MLPH: variants seen among roughly 807,000 people sequenced by gnomAD.
MLPH encodes exophilin-3.
In MLPH, 51 loss-of-function variants were observed where a neutral mutation model predicts 72.1. The ratio of observed to expected loss-of-function variants is 0.71; its 90% CI spans 0.56 to 0.89. The LOEUF (loss-of-function observed/expected upper bound fraction) is 0.89. Ranked by LOEUF, MLPH falls within the 40% of genes least tolerant of loss-of-function variation. MLPH has a pLI of 0.00. For synonymous variants in MLPH, 301 were observed against 310.1 expected (o/e 0.97, Z 0.31); for missense variants, 743 against 759.9 (o/e 0.98, Z 0.26).
intron 2 of MLPH, among the ~76,000 whole-genome samples, chr2:237,501,802 C>T (rs1050234224): frequency 6.6e-6 from 1 of 151,318 alleles, no homozygotes; most frequent in African/African-American, 2.4e-5. Context: ...GAGCTGAGAT[C>T]GCGCCACTGC....
rs145871473 is a variant in MLPH, at chr2:237,519,988, C to G, written c.634C>G (p.Leu212Val). ...DDSTQPQGHS[L>V]HLSSVPEARD... ...CTCCACTCAGCCTCAAGGTCACTCC[C>G]TGCACCTGTCCTCAGTCCCTGAGGC... Residue 212 changes from leucine (L) to valine (V), a missense_variant, in exon 6 of 16, where the codon CTG becomes GTG. Leu to Val is a conservative substitution (Grantham distance 32). Coordinates refer to ENST00000264605, the MANE Select transcript of MLPH (RefSeq NM_024101.7). 7.3e-5 allele frequency: 118 copies of G among 1,614,086 alleles called. No individual in the cohort carries two copies. In the African/African-American group the frequency reaches 1.3e-3, roughly 18 times the overall value.
rs758027758 is a variant in MLPH, at chr2:237,540,804, G to A, written c.1293G>A (p.Val431=). The change falls in exon 11 of 16, where the codon GTG becomes GTA. Residue 431 remains valine, a splice_region_variant and synonymous_variant. Transcript: ENST00000264605. ...VGPLPQADPE[V]GTAAHQTNRQ... ...GCCTCCGTCCTTCTCTTTCCTAGGT[G>A]GGCACGGCTGCCCATCAAACCAACA... 1.2e-6 allele frequency: 2 copies of A among 1,612,968 alleles called. No homozygotes were observed. Among genetic ancestry groups the A allele is most frequent in the East Asian group, 2.2e-5 (1 of 44,868 alleles).
At chr2:237,493,984 T>G (rs1004408495) in intron 2 of MLPH, among the ~76,000 whole-genome samples, 10 of 152,178 alleles carry the variant, frequency 6.6e-5, no homozygotes, top group Admixed American at 5.9e-4. Flanking sequence ...CAGCACGGTT[T>G]TGTTCCACTC....
At chr2:237,504,701 G>C (rs2079727589) in intron 2 of MLPH, among the ~76,000 whole-genome samples, 1 of 152,196 alleles carries the variant, frequency 6.6e-6, no homozygotes, top group African/African-American at 2.4e-5. Context: ...CCCTATAACA[G>C]AGTGGTCTTG....
chr2:237,499,392 T>C (rs2079601408), intron 2 of MLPH, among the ~76,000 whole-genome samples: 1 of 152,188 alleles, frequency 6.6e-6, no homozygotes, highest in Admixed American at 6.5e-5. Context: ...TTGCAGGTTT[T>C]TGATGGCCAC....
rs1244834883 is a variant in MLPH at position 237,507,067 on chromosome 2, T to TC, written c.111-3507_111-3506insC. On this transcript the variant is annotated intron_variant, in intron 2 of 15. Transcript: ENST00000264605. ...TTCCTTTTTCTTTTTTTTTTCTTTT[T>TC]TTTTTTTTTTTTTTTTGAGACAAAG... 4.8e-3 allele frequency among the ~76,000 whole-genome samples: 677 copies of TC among 141,870 alleles called. 4 individuals carry two copies. Among genetic ancestry groups the TC allele is most frequent in the African/African-American group, 0.017 (642 of 37,402 alleles). The allele number at this position is 141,870 out of a possible 152,430, so 93.1% of individuals were successfully genotyped here.
intron 12 of MLPH, among the ~76,000 whole-genome samples, chr2:237,545,200 T>A (rs867706346): frequency 7.8e-5 from 1 of 12,774 alleles, no homozygotes. Context: ...CAGTGGTGAG[T>A]GGGGACAGTG....
intron 1 of MLPH, among the ~76,000 whole-genome samples, chr2:237,488,983 C>A (rs1373898878): frequency 1.3e-5 from 2 of 152,146 alleles, no homozygotes; most frequent in Non-Finnish European, 2.9e-5. Flanking sequence ...CCATCACTCC[C>A]CCTCTTAATT....
chr2:237,510,265 C>T lies in MLPH; in HGVS notation c.111-309C>T. 2.4e-6 allele frequency: 1 copy of T among 418,250 alleles called. No homozygotes were observed. The highest frequency in any genetic ancestry group is 4.5e-6 in the Non-Finnish European group (1 of 222,972). The allele number at this position is 418,250 out of a possible 1,614,324, so 25.9% of individuals were successfully genotyped here. A position where few individuals can be genotyped will look rare whatever the true frequency, so the allele number is the denominator to read the frequency against. On this transcript the variant is annotated intron_variant, in intron 2 of 15. Transcript: ENST00000264605. The surrounding 1 kb of genome is among the most constrained non-coding windows in gnomAD (Gnocchi z 4.4). ...GACTGCCCTGGGGAGGGCGCAGTGACCTGCCAACCAAAATTGGTACAATTG... is the reference window on the plus strand; with the variant it reads ...GACTGCCCTGGGGAGGGCGCAGTGATCTGCCAACCAAAATTGGTACAATTG...
chr2:237,537,087 G>A (rs569668381), intron 9 of MLPH, among the ~76,000 whole-genome samples: 1 of 152,376 alleles, frequency 6.6e-6, no homozygotes, highest in South Asian at 2.1e-4. Context: ...TTGAGGGGCT[G>A]GATCTGGGGC....
intron 15 of MLPH, chr2:237,553,221 A>G: frequency 6.1e-6 from 3 of 491,686 alleles, no homozygotes; most frequent in Non-Finnish European, 1.2e-5. Context: ...GCGGGAGGGG[A>G]CCAATCCGAG....
intron 9 of MLPH, among the ~76,000 whole-genome samples, chr2:237,539,246 G>A (rs2080613098): frequency 6.6e-6 from 1 of 152,204 alleles, no homozygotes; most frequent in African/African-American, 2.4e-5. Context: ...GAGGCAGCAG[G>A]GCCGGCTGGG....
At chr2:237,540,133 C>T (rs891493381) in intron 9 of MLPH, among the ~76,000 whole-genome samples, 5 of 152,204 alleles carry the variant, frequency 3.3e-5, no homozygotes, top group African/African-American at 1.2e-4. Flanking sequence ...GGTCAGCTTT[C>T]CCTGGGAACC....
intron 9 of MLPH, among the ~76,000 whole-genome samples, chr2:237,538,839 A>G (rs1187171134): frequency 1.3e-5 from 2 of 152,262 alleles, no homozygotes; most frequent in Non-Finnish European, 1.5e-5. Flanking sequence ...ACAGAAAAAT[A>G]AATCAAGGCA....
intron 6 of MLPH, 133 bp from the exon 7 acceptor site, chr2:237,525,468 G>T: frequency 1.2e-6 from 1 of 809,988 alleles, no homozygotes; most frequent in Non-Finnish European, 2.1e-6. Context: ...AGGGGCCAGC[G>T]CAGATGGGTG....
chr2:237,486,727 A>C (rs943240237), upstream of MLPH: 1 of 152,226 alleles, frequency 6.6e-6, no homozygotes, highest in Admixed American at 6.5e-5. Flanking sequence ...GATGCCTGGC[A>C]GAATCGAAGG....
chr2:237,549,855 C>T (rs7592170), intron 14 of MLPH, among the ~76,000 whole-genome samples: 24,145 of 152,186 alleles, frequency 0.16, 2,887 homozygotes, highest in African/African-American at 0.34. Flanking sequence ...TTGTCCCTGT[C>T]TTCTGAGCTT....
At chr2:237,498,918 C>T (rs144648448) in intron 2 of MLPH, among the ~76,000 whole-genome samples, 5 of 152,240 alleles carry the variant, frequency 3.3e-5, no homozygotes, top group Admixed American at 6.5e-5. Context: ...AGGAGCTGCC[C>T]GATCAGCAGC....
chr2:237,514,243 G>T (rs1574855231), intron 4 of MLPH, among the ~76,000 whole-genome samples: 4 of 151,968 alleles, frequency 2.6e-5, no homozygotes, highest in South Asian at 4.2e-4. Flanking sequence ...AACAAGGAAG[G>T]TCAGATAATT....
Sources: allele counts gnomAD v4.1 joint callset (sites outside exome capture counted in the v4.1 genomes callset), GRCh38; gene constraint gnomAD v4.1.1; non-coding constraint Gnocchi (gnomAD v3.1); transcripts MANE v1.5; gene names NCBI Gene and HGNC (gene_info 2026-07-23, HGNC 2026-07-21).